Variants in RBFOX3 observed in about 807,000 individuals in gnomAD.
RBFOX3 encodes RNA binding fox-1 homolog 3.
In RBFOX3, 17 loss-of-function variants were observed where a neutral mutation model predicts 48.7. That is an observed-to-expected ratio of 0.35 (90% CI 0.24 to 0.52). The LOEUF (loss-of-function observed/expected upper bound fraction) is 0.52, where lower values mean the gene tolerates loss of function less well. Ranked by LOEUF, RBFOX3 falls within the 20% of genes least tolerant of loss-of-function variation. The pLI is 0.94. For missense variants in RBFOX3, 382 were observed against 497.5 expected (o/e 0.77, Z 2.21); for synonymous variants, 212 against 209.5 (o/e 1.01, Z -0.10).
the RBFOX3 span, among the ~76,000 whole-genome samples, chr17:79,626,037 A>T: frequency 6.6e-6 from 1 of 152,206 alleles, no homozygotes; most frequent in Non-Finnish European, 1.5e-5. Context: ...TAGTTTATTG[A>T]AGTGAACAGA....
intron 3 of RBFOX3, among the ~76,000 whole-genome samples, chr17:79,279,892 AAC>A (rs1359511930): frequency 6.6e-6 from 1 of 152,152 alleles, no homozygotes; most frequent in Non-Finnish European, 1.5e-5. Flanking sequence ...AGGTCTTAAC[AAC>A]TCCAGGCACC....
At chr17:79,465,054 G>A (rs530515950) in intron 2 of RBFOX3, among the ~76,000 whole-genome samples, 1 of 152,326 alleles carries the variant, frequency 6.6e-6, no homozygotes, top group East Asian at 1.9e-4. Flanking sequence ...CCTTCCGAAG[G>A]CGAGGTGGAA....
At chr17:79,117,108 G>A (rs1355867876) in intron 4 of RBFOX3, among the ~76,000 whole-genome samples, 4 of 152,168 alleles carry the variant, frequency 2.6e-5, no homozygotes, top group South Asian at 2.1e-4. Context: ...TCCTCCACTC[G>A]CTGTCCTCCA....
chr17:79,335,501 G>A (rs952914366), intron 2 of RBFOX3, among the ~76,000 whole-genome samples: 1 of 152,148 alleles, frequency 6.6e-6, no homozygotes, highest in African/African-American at 2.4e-5. Flanking sequence ...CCGACACTTG[G>A]CCATGCACGG....
At chr17:79,096,510 A>T in intron 12 of RBFOX3, 143 bp downstream of exon 12, 2 of 699,726 alleles carry the variant, frequency 2.9e-6, no homozygotes, top group East Asian at 5.5e-5. Flanking sequence ...CTCTGGGCAG[A>T]CGTGGCACCC....
chr17:79,469,550 G>A (rs1015506540), intron 2 of RBFOX3, among the ~76,000 whole-genome samples: 3 of 152,116 alleles, frequency 2.0e-5, no homozygotes, highest in East Asian at 1.9e-4. Context: ...CCACCTGCTC[G>A]CACCTCACAT....
intron 2 of RBFOX3, among the ~76,000 whole-genome samples, chr17:79,378,705 C>G (rs564847461): frequency 6.6e-6 from 1 of 152,198 alleles, no homozygotes; most frequent in African/African-American, 2.4e-5. Context: ...CAGGCTGTGT[C>G]CCATGTTAAT....
At chr17:79,101,757 C>T in intron 8 of RBFOX3, 113 bp from the exon 9 acceptor site, 1 of 925,002 alleles carries the variant, frequency 1.1e-6, no homozygotes, top group East Asian at 2.6e-5. Flanking sequence ...CCGCCCCAGC[C>T]TCCTCTCTCC....
chr17:79,444,555 C>T (rs1362092629), intron 2 of RBFOX3, among the ~76,000 whole-genome samples: 1 of 152,120 alleles, frequency 6.6e-6, no homozygotes, highest in Non-Finnish European at 1.5e-5. Flanking sequence ...AACCTCTCTC[C>T]ACCACTTCCT....
intron 1 of RBFOX3, among the ~76,000 whole-genome samples, chr17:79,515,790 T>C (rs2085159565): frequency 6.6e-6 from 1 of 152,020 alleles, no homozygotes; most frequent in African/African-American, 2.4e-5. Context: ...GTTGCACCGC[T>C]TCAGAGTCCG....
chr17:79,584,852 A>G (rs1240258996), intron 1 of RBFOX3, among the ~76,000 whole-genome samples: 3 of 151,064 alleles, frequency 2.0e-5, no homozygotes, highest in Admixed American at 1.3e-4. Context: ...TGCAAGCTCC[A>G]CCTCCCGGGT....
At chr17:79,393,090 A>G (rs2061544048) in intron 2 of RBFOX3, among the ~76,000 whole-genome samples, 1 of 152,188 alleles carries the variant, frequency 6.6e-6, no homozygotes, top group Non-Finnish European at 1.5e-5. Context: ...TGCCCCCAAA[A>G]TATGTAGGAG....
intron 2 of RBFOX3, among the ~76,000 whole-genome samples, chr17:79,323,865 G>C (rs1414871143): frequency 6.6e-6 from 1 of 152,184 alleles, no homozygotes; most frequent in Admixed American, 6.5e-5. Flanking sequence ...CAATTGTTTG[G>C]GCAGATTGCT....
At chr17:79,660,717 G>A in the RBFOX3 span, among the ~76,000 whole-genome samples, 22 of 152,256 alleles carry the variant, frequency 1.4e-4, no homozygotes, top group South Asian at 4.2e-4. Context: ...AGAAGATGAC[G>A]TGGTGATTCC....
intron 2 of RBFOX3, among the ~76,000 whole-genome samples, chr17:79,327,645 C>A (rs1419044113): frequency 7.9e-5 from 12 of 152,326 alleles, no homozygotes; most frequent in Admixed American, 3.3e-4. Context: ...GTGGCTTTTT[C>A]ACCTGGGAAA....
intron 2 of RBFOX3, among the ~76,000 whole-genome samples, chr17:79,454,483 C>A (rs546751402): frequency 3.7e-4 from 56 of 152,212 alleles, no homozygotes; most frequent in African/African-American, 1.3e-3. Context: ...GCCGCTCCCC[C>A]ACCTTGCCCA....
At chr17:79,447,166 C>T (rs1369882139) in intron 2 of RBFOX3, among the ~76,000 whole-genome samples, 3 of 152,246 alleles carry the variant, frequency 2.0e-5, no homozygotes, top group Non-Finnish European at 2.9e-5. Flanking sequence ...ACATTTCAAA[C>T]AGACCTGAAG....
intron 4 of RBFOX3, among the ~76,000 whole-genome samples, chr17:79,200,249 G>A (rs559042606): frequency 2.8e-4 from 42 of 151,470 alleles, no homozygotes; most frequent in Non-Finnish European, 5.9e-4. Flanking sequence ...GGCCAAAGCC[G>A]AGTGTACAGA....
chr17:79,346,103 G>A (rs986484322), intron 2 of RBFOX3, among the ~76,000 whole-genome samples: 1 of 152,028 alleles, frequency 6.6e-6, no homozygotes, highest in South Asian at 2.1e-4. Flanking sequence ...TGCATTTTTA[G>A]TAGAGATGAG....
Sources: gnomAD v4.1 joint callset for allele counts (sites outside exome capture counted in the v4.1 genomes callset) on GRCh38, gnomAD v4.1.1 for gene constraint, MANE v1.5 for transcripts, NCBI Gene and HGNC (gene_info 2026-07-23, HGNC 2026-07-21) for gene names.